TMEM132B: variants seen among roughly 807,000 people sequenced by gnomAD.
TMEM132B encodes transmembrane protein 132B.
TMEM132B carries 18 observed loss-of-function variants against 90.8 expected under a neutral mutation model. The ratio of observed to expected loss-of-function variants is 0.20; its 90% CI spans 0.14 to 0.29. The LOEUF is 0.29. Ranked by LOEUF, TMEM132B falls within the 10% of genes least tolerant of loss-of-function variation. TMEM132B has a pLI of 1.00. For synonymous variants in TMEM132B, 504 were observed against 523.3 expected (o/e 0.96, Z 0.50); for missense variants, 1,096 against 1,326.8 (o/e 0.83, Z 2.70).
chr12:125,374,066 A>T (rs1878393998), intron 2 of TMEM132B, among the ~76,000 whole-genome samples: 1 of 152,200 alleles, frequency 6.6e-6, no homozygotes, highest in Non-Finnish European at 1.5e-5. Context: ...AAGTTCTGGG[A>T]TTACAGGTGT....
At chr12:125,190,725 C>G (rs111205155) in intron 1 of TMEM132B, among the ~76,000 whole-genome samples, 270 of 3,864 alleles carry the variant, frequency 0.07, 28 homozygotes, top group East Asian at 0.19. Flanking sequence ...ATGGTGATGG[C>G]AAGGGGTGGT....
intron 4 of TMEM132B, among the ~76,000 whole-genome samples, chr12:125,576,487 T>G (rs1884944511): frequency 7.1e-6 from 1 of 141,056 alleles, no homozygotes; most frequent in Non-Finnish European, 1.6e-5. Flanking sequence ...CCAATTACCT[T>G]GGCTAGAACC....
chr12:125,615,891 T>A (rs887689055), intron 5 of TMEM132B, among the ~76,000 whole-genome samples: 1 of 152,196 alleles, frequency 6.6e-6, no homozygotes, highest in Non-Finnish European at 1.5e-5. Context: ...TACACATTTA[T>A]TAATGTGCAA....
chr12:125,521,588 G>A (rs944267295), intron 4 of TMEM132B, among the ~76,000 whole-genome samples: 16 of 152,190 alleles, frequency 1.1e-4, no homozygotes, highest in African/African-American at 3.9e-4. Context: ...CCTAGTAAGA[G>A]TGGGAATCTG....
chr12:125,545,316 A>G (rs570354558), intron 4 of TMEM132B, among the ~76,000 whole-genome samples: 17 of 152,332 alleles, frequency 1.1e-4, no homozygotes, highest in African/African-American at 3.6e-4. Flanking sequence ...CCTTTCTGGT[A>G]TTCTGTACAG....
chr12:125,546,702 G>T (rs74824119), intron 4 of TMEM132B, among the ~76,000 whole-genome samples: 5,601 of 152,204 alleles, frequency 0.037, 194 homozygotes, highest in African/African-American at 0.096. Flanking sequence ...GGACATTTGG[G>T]TTGCTTCCAG....
intron 3 of TMEM132B, among the ~76,000 whole-genome samples, chr12:125,513,826 A>C (rs1032205979): frequency 6.6e-6 from 1 of 152,164 alleles, no homozygotes; most frequent in African/African-American, 2.4e-5. Context: ...AAAATTGAAG[A>C]ATTTTGTTTA....
chr12:125,437,924 C>G (rs927907255), intron 3 of TMEM132B, among the ~76,000 whole-genome samples: 4 of 152,150 alleles, frequency 2.6e-5, no homozygotes, highest in Non-Finnish European at 5.9e-5. Context: ...ATGCCGTTGA[C>G]TTGCTTGCTT....
chr12:125,557,977 G>T (rs1884432235), intron 4 of TMEM132B, among the ~76,000 whole-genome samples: 1 of 152,194 alleles, frequency 6.6e-6, no homozygotes, highest in Non-Finnish European at 1.5e-5. Context: ...GTAGCTTATG[G>T]GGCAGATGTA....
At chr12:125,382,938 G>A (rs948320209) in intron 2 of TMEM132B, among the ~76,000 whole-genome samples, 5 of 152,202 alleles carry the variant, frequency 3.3e-5, no homozygotes, top group African/African-American at 1.2e-4. Context: ...AAAGGTAGGG[G>A]TCCTGTGTTC....
chr12:125,350,544 C>T (rs1414947258), intron 2 of TMEM132B, among the ~76,000 whole-genome samples: 1 of 152,160 alleles, frequency 6.6e-6, no homozygotes, highest in Non-Finnish European at 1.5e-5. Flanking sequence ...AATTTATGAT[C>T]TGTGTGTTTT....
At chr12:125,616,761 C>T (rs749674118) in intron 5 of TMEM132B, among the ~76,000 whole-genome samples, 9 of 152,146 alleles carry the variant, frequency 5.9e-5, no homozygotes, top group Admixed American at 3.3e-4. Context: ...GCAGCCCTAA[C>T]GACCAACATG....
intron 3 of TMEM132B, among the ~76,000 whole-genome samples, chr12:125,470,801 T>G (rs1416402631): frequency 6.6e-6 from 1 of 152,208 alleles, no homozygotes; most frequent in Non-Finnish European, 1.5e-5. Flanking sequence ...AGGACATGGT[T>G]TGGCTCCTTT....
rs545678169 is a variant in TMEM132B at position 125,277,528 on chromosome 12, CAT to C, written c.68-71922_68-71921del. Among the ~76,000 whole-genome samples, 939 of 151,038 alleles carry C rather than the reference CAT, an allele frequency of 6.2e-3. 8 individuals are homozygous for C. The highest frequency in any genetic ancestry group is 0.021 in the African/African-American group (876 of 41,040). On this transcript the variant is annotated intron_variant, in intron 1 of 8. Transcript: ENST00000682704. The surrounding 1 kb of genome is among the most constrained non-coding windows in gnomAD (Gnocchi z 4.3). ...ACACACACACACACACACACACACA[CAT>C]ACACACACACACGGGAAGGCCATGT...
At chr12:125,262,420 A>G (rs1488849182) in intron 1 of TMEM132B, among the ~76,000 whole-genome samples, 1 of 152,150 alleles carries the variant, frequency 6.6e-6, no homozygotes. Flanking sequence ...ATTGCTCATA[A>G]ATAGCTGTAT....
At chr12:125,465,563 G>T (rs1207548115) in intron 3 of TMEM132B, among the ~76,000 whole-genome samples, 1 of 152,174 alleles carries the variant, frequency 6.6e-6, no homozygotes, top group Non-Finnish European at 1.5e-5. Flanking sequence ...TTACATTATT[G>T]CAGGCAAGCC....
chr12:125,313,763 T>C (rs930522743), intron 1 of TMEM132B, among the ~76,000 whole-genome samples: 1 of 126,900 alleles, frequency 7.9e-6, no homozygotes, highest in African/African-American at 3.0e-5. Flanking sequence ...TTCACGGACA[T>C]GGGACTGGAG....
chr12:125,407,160 T>C lies in TMEM132B; in HGVS notation c.960-8371T>C, dbSNP rs546155660. On this transcript the variant is annotated intron_variant, in intron 2 of 8. Transcript: ENST00000682704. The surrounding 1 kb of genome is among the most constrained non-coding windows in gnomAD (Gnocchi z 6.7). ...GCCCAAGCCTCCCTACTATAAATCA[T>C]ATTGAAGCACAGATTATCTGGCATG... Among the ~76,000 whole-genome samples the C allele has an allele frequency of 1.1e-4, 16 of 152,296 alleles. No homozygotes were observed. The South Asian group carries it at 3.3e-3, about 32-fold the overall frequency.
intron 3 of TMEM132B, among the ~76,000 whole-genome samples, chr12:125,508,764 T>C (rs898817044): frequency 1.3e-5 from 2 of 151,760 alleles, no homozygotes; most frequent in East Asian, 1.9e-4. Flanking sequence ...TTTTCTTTTT[T>C]TTTCTTTCTT....
Sources: allele counts gnomAD v4.1 joint callset (sites outside exome capture counted in the v4.1 genomes callset), GRCh38; gene constraint gnomAD v4.1.1; non-coding constraint Gnocchi (gnomAD v3.1); transcripts MANE v1.5; gene names NCBI Gene and HGNC (gene_info 2026-07-23, HGNC 2026-07-21).